The following NSMCE2 variants were observed in gnomAD, a reference collection of about 807,000 sequenced individuals.
NSMCE2 encodes the protein E3 SUMO-protein ligase NSE2.
NSMCE2 carries 24 observed loss-of-function variants against 23.8 expected under a neutral mutation model. The ratio of observed to expected loss-of-function variants is 1.01; its 90% CI spans 0.73 to 1.42. The LOEUF is 1.42. Among genes scored for constraint, NSMCE2 ranks in the 40% most tolerant of loss-of-function variants. NSMCE2 has a pLI of 0.00. For missense variants in NSMCE2, 284 were observed against 296.5 expected, an observed-to-expected ratio of 0.96 and a Z score of 0.31; for synonymous variants, 92 against 94.1, an observed-to-expected ratio of 0.98 and a Z score of 0.13.
intron 5 of NSMCE2, among the ~76,000 whole-genome samples, chr8:125,326,187 G>A (rs1042192119): frequency 3.9e-5 from 6 of 151,912 alleles, no homozygotes; most frequent in African/African-American, 1.5e-4. Flanking sequence ...AACCCGAGAG[G>A]CAGAGCTTGC....
rs1329486423 is a variant in NSMCE2 at position 125,138,834 on chromosome 8, C to T, written c.158-12337C>T. Among the ~76,000 whole-genome samples the T allele has an allele frequency of 2.1e-4, 32 of 152,046 alleles. 1 individual carries two copies. The highest frequency in any genetic ancestry group is 4.4e-5 in the Non-Finnish European group (3 of 68,014). On this transcript the variant is annotated intron_variant, in intron 3 of 7. Transcript: ENST00000287437. Reference sequence around the variant, plus strand: ...GAGACTTGAGACTTTCTGTTTGACCCAGGAGGTAGCTTTTCTGTAGCTCTG... The same window carrying T: ...GAGACTTGAGACTTTCTGTTTGACCTAGGAGGTAGCTTTTCTGTAGCTCTG...
At chr8:125,114,428 G>A (rs1306280975) in intron 3 of NSMCE2, among the ~76,000 whole-genome samples, 1 of 152,136 alleles carries the variant, frequency 6.6e-6, no homozygotes, top group Admixed American at 6.5e-5. Context: ...TCCTCTGATT[G>A]TCTAACTCAT....
At chr8:125,172,462 C>G (rs544010281) in intron 4 of NSMCE2, among the ~76,000 whole-genome samples, 4 of 152,288 alleles carry the variant, frequency 2.6e-5, no homozygotes, top group African/African-American at 7.2e-5. Flanking sequence ...GCAGCAACAA[C>G]AAAATGTTTC....
At chr8:125,138,246 C>A (rs2130605689) in intron 3 of NSMCE2, among the ~76,000 whole-genome samples, 1 of 152,224 alleles carries the variant, frequency 6.6e-6, no homozygotes, top group South Asian at 2.1e-4. Context: ...CTTTTAGAGA[C>A]CTGGTCAATC....
intron 5 of NSMCE2, among the ~76,000 whole-genome samples, chr8:125,339,818 T>C (rs1370541963): frequency 6.6e-6 from 1 of 152,074 alleles, no homozygotes; most frequent in African/African-American, 2.4e-5. Context: ...TATGCTACAG[T>C]CGTGGGTTTC....
chr8:125,116,089 C>G (rs1818993915), intron 3 of NSMCE2, among the ~76,000 whole-genome samples: 1 of 152,190 alleles, frequency 6.6e-6, no homozygotes, highest in Non-Finnish European at 1.5e-5. Context: ...TCCTTTCTTT[C>G]CTCTTTCTGC....
intron 5 of NSMCE2, among the ~76,000 whole-genome samples, chr8:125,326,034 G>T (rs1829651329): frequency 6.6e-6 from 1 of 152,060 alleles, no homozygotes; most frequent in Admixed American, 6.6e-5. Context: ...AAGGCAGGTG[G>T]ATCACGAGGT....
chr8:125,142,947 A>G (rs1820460796), intron 3 of NSMCE2, among the ~76,000 whole-genome samples: 1 of 152,214 alleles, frequency 6.6e-6, no homozygotes, highest in Admixed American at 6.5e-5. Context: ...ATGTGGAGGA[A>G]TAATTACAAG....
chr8:125,207,280 T>C (rs1421741093), intron 5 of NSMCE2, among the ~76,000 whole-genome samples: 1 of 152,072 alleles, frequency 6.6e-6, no homozygotes, highest in Admixed American at 6.6e-5. Flanking sequence ...CTGACTTCTC[T>C]TGTCTAATTT....
At chr8:125,167,748 T>C (rs1043957704) in intron 4 of NSMCE2, among the ~76,000 whole-genome samples, 13 of 151,940 alleles carry the variant, frequency 8.6e-5, no homozygotes, top group African/African-American at 3.1e-4. Flanking sequence ...GAATTCTTTT[T>C]TTTTTTCTTG....
chr8:125,239,587 C>T (rs1185995336), intron 5 of NSMCE2, among the ~76,000 whole-genome samples: 11 of 130,974 alleles, frequency 8.4e-5, no homozygotes, highest in Non-Finnish European at 1.2e-4. Flanking sequence ...CTAGCCTGGG[C>T]GACAGAGCAA....
At chr8:125,117,436 C>T (rs531962910) in intron 3 of NSMCE2, among the ~76,000 whole-genome samples, 272 of 152,258 alleles carry the variant, frequency 1.8e-3, no homozygotes, top group African/African-American at 5.9e-3. Context: ...TTCCTCCTTC[C>T]TAAGATACCA....
intron 5 of NSMCE2, among the ~76,000 whole-genome samples, chr8:125,290,761 G>A (rs1325341156): frequency 3.3e-5 from 5 of 152,122 alleles, no homozygotes; most frequent in Non-Finnish European, 7.3e-5. Flanking sequence ...TTCTCAGACA[G>A]GATGGGCTAT....
rs538772184 is a variant in NSMCE2, at chr8:125,301,742, A to G, written c.419-55477A>G. 3.9e-4 allele frequency among the ~76,000 whole-genome samples: 58 copies of G among 150,598 alleles called. 1 individual carries two copies. Among genetic ancestry groups the G allele is most frequent in the Admixed American group, 8.0e-4 (12 of 15,084 alleles). Reference sequence around the variant, plus strand: ...CAATGGCACAGTCTCGGCTCACTACAACCTCCGCTTACTGGGTTCAAGCAA... The same window carrying G: ...CAATGGCACAGTCTCGGCTCACTACGACCTCCGCTTACTGGGTTCAAGCAA... On this transcript the variant is annotated intron_variant, in intron 5 of 7. Transcript: ENST00000287437.
intron 3 of NSMCE2, among the ~76,000 whole-genome samples, chr8:125,119,055 G>T (rs900317929): frequency 1.3e-5 from 2 of 152,182 alleles, no homozygotes; most frequent in Non-Finnish European, 2.9e-5. Flanking sequence ...ATGTCAAAAA[G>T]GGTGAAATGT....
rs376240525 is a variant in NSMCE2 at position 125,124,470 on chromosome 8, T to TTCTCTCTCTC, written c.157+22002_157+22011dup. On this transcript the variant is annotated intron_variant, in intron 3 of 7. Coordinates refer to ENST00000287437, the MANE Select transcript of NSMCE2 (RefSeq NM_173685.4). ...TTTTTTAAAGTGGATTCCTCAGGAT[T>TTCTCTCTCTC]TCTCTCTCTCTCTCTCTCTCTCTCT... is the stretch of plus-strand genomic sequence containing the variant. 5.1e-4 allele frequency among the ~76,000 whole-genome samples: 75 copies of TTCTCTCTCTC among 146,316 alleles called. 1 individual carries two copies. Among genetic ancestry groups the TTCTCTCTCTC allele is most frequent in the Middle Eastern group, 6.9e-3 (2 of 288 alleles).
At chr8:125,254,721 G>T (rs1262802296) in intron 5 of NSMCE2, among the ~76,000 whole-genome samples, 1 of 151,430 alleles carries the variant, frequency 6.6e-6, no homozygotes, top group African/African-American at 2.4e-5. Flanking sequence ...CTTGCTAATT[G>T]ATGTGACTGA....
chr8:125,354,910 G>A (rs1563802430), intron 5 of NSMCE2, among the ~76,000 whole-genome samples: 1 of 151,968 alleles, frequency 6.6e-6, no homozygotes, highest in Non-Finnish European at 1.5e-5. Flanking sequence ...CCTACATGAC[G>A]CCACAAGCAG....
chr8:125,225,094 T>A (rs1480578007), intron 5 of NSMCE2, among the ~76,000 whole-genome samples: 1 of 152,234 alleles, frequency 6.6e-6, no homozygotes, highest in African/African-American at 2.4e-5. Flanking sequence ...GAATAATTTA[T>A]CACATATTTG....
Sources: allele counts gnomAD v4.1 joint callset (sites outside exome capture counted in the v4.1 genomes callset), GRCh38; gene constraint gnomAD v4.1.1; transcripts MANE v1.5; gene names NCBI Gene and HGNC (gene_info 2026-07-23, HGNC 2026-07-21).